Variants in CADPS observed in about 807,000 individuals in gnomAD.
CADPS encodes the protein calcium-dependent secretion activator 1.
A neutral mutation model predicts 167.3 loss-of-function variants in CADPS; 57 were observed. The observed-to-expected ratio is 0.34, with a 90% confidence interval of 0.28 to 0.42. The LOEUF (loss-of-function observed/expected upper bound fraction) is 0.42, where lower values mean the gene tolerates loss of function less well. Ranked by LOEUF, CADPS falls within the 20% of genes least tolerant of loss-of-function variation. CADPS has a pLI of 1.00. For missense variants in CADPS, 1,414 were observed against 1,738.1 expected (o/e 0.81, Z 3.32); for synonymous variants, 676 against 635.3 (o/e 1.06, Z -0.96).
chr3:62,770,807 A>T (rs1411758499), intron 1 of CADPS, among the ~76,000 whole-genome samples: 1 of 152,158 alleles, frequency 6.6e-6, no homozygotes, highest in African/African-American at 2.4e-5. Flanking sequence ...CAGACCCCAG[A>T]AGCTCCTGGA....
intron 1 of CADPS, among the ~76,000 whole-genome samples, chr3:62,814,654 A>G (rs1294664974): frequency 6.6e-6 from 1 of 152,188 alleles, no homozygotes; most frequent in Non-Finnish European, 1.5e-5. Context: ...CCTGGATTAT[A>G]GTGGTTCTCA....
intron 5 of CADPS, among the ~76,000 whole-genome samples, chr3:62,648,705 A>AAAAAAAAG (rs2069202608): frequency 6.7e-6 from 1 of 150,148 alleles, no homozygotes; most frequent in African/African-American, 2.4e-5. Flanking sequence ...AAAAAAAAAA[A>AAAAAAAAG]GAGGAAAGAA....
chr3:62,622,429 C>T (rs967014539), intron 6 of CADPS, among the ~76,000 whole-genome samples: 1 of 152,156 alleles, frequency 6.6e-6, no homozygotes, highest in Non-Finnish European at 1.5e-5. Context: ...GCTGAACAAT[C>T]AGGCCCATAT....
chr3:62,834,153 A>G (rs2075556136), intron 1 of CADPS, among the ~76,000 whole-genome samples: 1 of 152,186 alleles, frequency 6.6e-6, no homozygotes, highest in Non-Finnish European at 1.5e-5. Flanking sequence ...TCAGTGAAGT[A>G]AAGGTGGGGT....
intron 1 of CADPS, among the ~76,000 whole-genome samples, chr3:62,832,007 A>G (rs1289390833): frequency 6.6e-6 from 1 of 152,200 alleles, no homozygotes; most frequent in African/African-American, 2.4e-5. Flanking sequence ...TGCTAAGCAG[A>G]CAAAGATAAA....
chr3:62,550,327 G>C (rs1181274309), intron 10 of CADPS, among the ~76,000 whole-genome samples: 1 of 152,038 alleles, frequency 6.6e-6, no homozygotes, highest in Non-Finnish European at 1.5e-5. Flanking sequence ...TTATCTTTTT[G>C]TGTCCTGCTG....
chr3:62,436,862 G>T lies in CADPS; in HGVS notation c.3777+1242C>A, dbSNP rs563754865. ...GCACAGAAAGGGGACGATTGGAAAA[G>T]AAAAGAAAAAAAAAGAAAGGAGCCT... On this transcript the variant is annotated intron_variant, in intron 28 of 29. Coordinates refer to ENST00000383710, the MANE Select transcript of CADPS (RefSeq NM_003716.4). 2.7e-5 allele frequency among the ~76,000 whole-genome samples: 4 copies of T among 149,934 alleles called. No homozygotes were observed. The East Asian group carries it at 7.8e-4, about 29-fold the overall frequency.
intron 1 of CADPS, among the ~76,000 whole-genome samples, chr3:62,849,653 T>G (rs898807537): frequency 7.3e-6 from 1 of 137,106 alleles, no homozygotes; most frequent in African/African-American, 2.8e-5. Context: ...GATAAGCTTT[T>G]TGATGTGCTG....
At chr3:62,512,708 T>G in intron 17 of CADPS, 43 bp downstream of exon 17, 1 of 1,532,650 alleles carries the variant, frequency 6.5e-7, no homozygotes, top group Non-Finnish European at 8.9e-7. Context: ...TGAATGTAAC[T>G]CAACAGTCCT....
intron 1 of CADPS, among the ~76,000 whole-genome samples, chr3:62,867,835 C>T (rs1459951420): frequency 6.6e-6 from 1 of 152,004 alleles, no homozygotes; most frequent in African/African-American, 2.4e-5. Context: ...AATTAATTTT[C>T]ACAAAAACCC....
chr3:62,814,604 C>T (rs903634265), intron 1 of CADPS: 7 of 152,182 alleles, frequency 4.6e-5, no homozygotes, highest in African/African-American at 1.4e-4. Context: ...ATTTCCACAC[C>T]TCTAATTCAA....
chr3:62,486,664 A>G (rs540533931), intron 21 of CADPS, among the ~76,000 whole-genome samples: 2 of 152,310 alleles, frequency 1.3e-5, no homozygotes, highest in South Asian at 4.1e-4. Flanking sequence ...GGCTTAGCCC[A>G]TGAGGGTTCT....
At chr3:62,827,646 A>C (rs62242383) in intron 1 of CADPS, among the ~76,000 whole-genome samples, 1 of 152,164 alleles carries the variant, frequency 6.6e-6, no homozygotes, top group Non-Finnish European at 1.5e-5. Flanking sequence ...TGATCTTTCA[A>C]ATAGCTTTGA....
intron 17 of CADPS, 114 bp downstream of exon 17, chr3:62,512,637 C>T (rs996199054): frequency 4.5e-6 from 3 of 665,434 alleles, no homozygotes; most frequent in African/African-American, 3.7e-5. Flanking sequence ...ATTATTGCAA[C>T]TCCACATGGC....
intron 3 of CADPS, among the ~76,000 whole-genome samples, chr3:62,694,341 A>G (rs1189740337): frequency 6.6e-6 from 1 of 152,108 alleles, no homozygotes; most frequent in Non-Finnish European, 1.5e-5. Context: ...TTATTGGTGC[A>G]TTTATTTAAG....
intron 3 of CADPS, among the ~76,000 whole-genome samples, chr3:62,715,107 G>T (rs1278798106): frequency 6.6e-6 from 1 of 152,148 alleles, no homozygotes; most frequent in African/African-American, 2.4e-5. Context: ...AAATACAGAT[G>T]ACATGATGTT....
At chr3:62,727,179 T>C (rs2076898919) in intron 3 of CADPS, among the ~76,000 whole-genome samples, 1 of 151,750 alleles carries the variant, frequency 6.6e-6, no homozygotes, top group Non-Finnish European at 1.5e-5. Context: ...GAAGAGCATG[T>C]ATAGGAGTAT....
intron 28 of CADPS, among the ~76,000 whole-genome samples, chr3:62,405,762 A>G (rs1708260140): frequency 6.6e-6 from 1 of 152,200 alleles, no homozygotes; most frequent in Non-Finnish European, 1.5e-5. Flanking sequence ...CATTGGCTAC[A>G]CATTTAAAGA....
At chr3:62,516,781 T>A (rs2069093434) in intron 14 of CADPS, 138 bp from the exon 15 acceptor site, 4 of 628,134 alleles carry the variant, frequency 6.4e-6, no homozygotes, top group Non-Finnish European at 1.2e-5. Context: ...TATGTTAATC[T>A]GAATTCACAC....
Sources: allele counts gnomAD v4.1 joint callset (sites outside exome capture counted in the v4.1 genomes callset), GRCh38; gene constraint gnomAD v4.1.1; transcripts MANE v1.5; gene names NCBI Gene and HGNC (gene_info 2026-07-23, HGNC 2026-07-21).